SPAG16: variants seen among roughly 807,000 people sequenced by gnomAD.
The protein encoded by SPAG16 is sperm associated antigen 16.
Under a neutral mutation model 80.4 loss-of-function variants are expected in SPAG16, and 86 were observed. That is an observed-to-expected ratio of 1.07 (90% confidence interval 0.90 to 1.28). The LOEUF (loss-of-function observed/expected upper bound fraction) is 1.28. Ranked by LOEUF, SPAG16 falls within the 50% of genes most tolerant of loss-of-function variation. SPAG16 has a pLI of 0.00. For missense variants in SPAG16, 870 were observed against 765.3 expected, an observed-to-expected ratio of 1.14 and a Z score of -1.61; for synonymous variants, 294 against 265.9, an observed-to-expected ratio of 1.11 and a Z score of -1.03.
At chr2:214,006,233 G>A (rs1351980447) in intron 12 of SPAG16, among the ~76,000 whole-genome samples, 29 of 152,008 alleles carry the variant, frequency 1.9e-4, no homozygotes, top group Admixed American at 1.8e-3. Context: ...TGAATTTTAA[G>A]TTACAACTTT....
intron 10 of SPAG16, among the ~76,000 whole-genome samples, chr2:213,599,401 C>G: frequency 6.6e-6 from 1 of 152,158 alleles, no homozygotes. Context: ...GACCTTCTTC[C>G]ACCTCTGCCA....
At chr2:213,646,167 C>T (rs556037410) in intron 10 of SPAG16, among the ~76,000 whole-genome samples, 1 of 152,294 alleles carries the variant, frequency 6.6e-6, no homozygotes, top group East Asian at 1.9e-4. Context: ...TTTTCCTATC[C>T]CTTCAGTGCC....
At chr2:213,551,646 T>C (rs1425615054) in intron 10 of SPAG16, among the ~76,000 whole-genome samples, 2 of 152,136 alleles carry the variant, frequency 1.3e-5, no homozygotes, top group Non-Finnish European at 2.9e-5. Flanking sequence ...TCTGTTAAGT[T>C]GGGTTTCAGA....
At chr2:214,260,430 T>C (rs1160447875) in intron 15 of SPAG16, among the ~76,000 whole-genome samples, 3 of 152,130 alleles carry the variant, frequency 2.0e-5, no homozygotes, top group Non-Finnish European at 4.4e-5. Context: ...TGGTATCTTC[T>C]CCGTTTTCTT....
At chr2:213,686,727 C>T (rs1198150072) in intron 10 of SPAG16, among the ~76,000 whole-genome samples, 1 of 135,330 alleles carries the variant, frequency 7.4e-6, no homozygotes, top group Non-Finnish European at 1.5e-5. Context: ...CGCTCTGTCA[C>T]CCAGGCTGGA....
intron 15 of SPAG16, among the ~76,000 whole-genome samples, chr2:214,359,053 G>A (rs1699004711): frequency 6.6e-6 from 1 of 151,800 alleles, no homozygotes; most frequent in Non-Finnish European, 1.5e-5. Flanking sequence ...AGACTCTGCT[G>A]TGTACTATGT....
chr2:213,329,481 T>C (rs951067800), intron 5 of SPAG16, among the ~76,000 whole-genome samples: 3 of 152,208 alleles, frequency 2.0e-5, no homozygotes, highest in Non-Finnish European at 4.4e-5. Flanking sequence ...CCTAGAGATT[T>C]GTGGAACTTT....
intron 10 of SPAG16, among the ~76,000 whole-genome samples, chr2:213,608,992 A>T (rs2061357645): frequency 6.6e-6 from 1 of 152,220 alleles, no homozygotes; most frequent in Non-Finnish European, 1.5e-5. Context: ...TGGGTATTGT[A>T]CTTTCAAAGA....
At chr2:213,486,994 G>A (rs1221674313) in intron 9 of SPAG16, among the ~76,000 whole-genome samples, 1 of 151,950 alleles carries the variant, frequency 6.6e-6, no homozygotes, top group Non-Finnish European at 1.5e-5. Context: ...GTTTAAGACA[G>A]GTATGATTGG....
At chr2:214,289,209 G>T (rs961225917) in intron 15 of SPAG16, among the ~76,000 whole-genome samples, 3 of 152,138 alleles carry the variant, frequency 2.0e-5, no homozygotes, top group African/African-American at 7.2e-5. Context: ...TTCACTCAAC[G>T]GATTGTTTCC....
chr2:213,909,453 A>G (rs553563329), intron 11 of SPAG16, among the ~76,000 whole-genome samples: 1 of 152,332 alleles, frequency 6.6e-6, no homozygotes, highest in African/African-American at 2.4e-5. Flanking sequence ...AGCTGGAGGC[A>G]TCACGCTACC....
intron 15 of SPAG16, among the ~76,000 whole-genome samples, chr2:214,304,215 G>A (rs1694759248): frequency 6.6e-6 from 1 of 152,042 alleles, no homozygotes; most frequent in Non-Finnish European, 1.5e-5. Flanking sequence ...TTGGGAACAG[G>A]CCCCCCAAAA....
At chr2:214,242,438 A>G (rs1444158846) in intron 15 of SPAG16, among the ~76,000 whole-genome samples, 1 of 152,196 alleles carries the variant, frequency 6.6e-6, no homozygotes, top group Non-Finnish European at 1.5e-5. Flanking sequence ...GAAAGGAAGG[A>G]AGCTTCAGAA....
chr2:213,458,552 A>G (rs1289321561), intron 9 of SPAG16, among the ~76,000 whole-genome samples: 3 of 152,236 alleles, frequency 2.0e-5, no homozygotes, highest in African/African-American at 7.2e-5. Flanking sequence ...AGCGTGGGCA[A>G]CAGAGTAAGA....
intron 15 of SPAG16, among the ~76,000 whole-genome samples, chr2:214,386,874 G>A (rs367726222): frequency 5.3e-4 from 76 of 143,622 alleles, no homozygotes; most frequent in East Asian, 1.0e-3. Context: ...CAAAAAAAGA[G>A]AAAAAAAAAA....
At chr2:214,252,496 C>T (rs1690368028) in intron 15 of SPAG16, among the ~76,000 whole-genome samples, 1 of 150,750 alleles carries the variant, frequency 6.6e-6, no homozygotes. Context: ...CTCCCTGTGT[C>T]CATGTGTTCT....
intron 10 of SPAG16, among the ~76,000 whole-genome samples, chr2:213,627,913 A>G (rs1023592132): frequency 1.3e-5 from 2 of 152,216 alleles, no homozygotes; most frequent in African/African-American, 2.4e-5. Flanking sequence ...TCTTTCCTCC[A>G]GTTCTCCAAT....
chr2:213,498,488 G>C (rs2074590753), intron 10 of SPAG16, among the ~76,000 whole-genome samples: 1 of 151,980 alleles, frequency 6.6e-6, no homozygotes, highest in Non-Finnish European at 1.5e-5. Flanking sequence ...TAGTCTAATA[G>C]AAAGTAATAA....
chr2:214,200,345 A>G (rs1425605123), intron 15 of SPAG16, among the ~76,000 whole-genome samples: 2 of 152,166 alleles, frequency 1.3e-5, no homozygotes, highest in Admixed American at 1.3e-4. Context: ...TGAAATGATC[A>G]TATGATTTTT....
Sources: gnomAD v4.1 joint callset for allele counts (sites outside exome capture counted in the v4.1 genomes callset) on GRCh38, gnomAD v4.1.1 for gene constraint, MANE v1.5 for transcripts, NCBI Gene and HGNC (gene_info 2026-07-23, HGNC 2026-07-21) for gene names.